DPY19L3: variants seen among roughly 807,000 people sequenced by gnomAD.
DPY19L3 encodes protein C-mannosyl-transferase DPY19L3.
Under a neutral mutation model 92.3 loss-of-function variants are expected in DPY19L3, and 51 were observed. That is an observed-to-expected ratio of 0.55 (90% CI 0.44 to 0.70). The LOEUF (loss-of-function observed/expected upper bound fraction) is 0.70. DPY19L3 is among the 30% of genes least tolerant of loss of function. The pLI, the probability that DPY19L3 is intolerant of heterozygous loss-of-function variation, is 0.00. For synonymous variants in DPY19L3, 309 were observed against 315.2 expected (o/e 0.98, Z 0.21); for missense variants, 706 against 855.9 (o/e 0.82, Z 2.18).
intron 3 of DPY19L3, among the ~76,000 whole-genome samples, chr19:32,423,634 GTAA>G (rs138334198): frequency 0.02 from 2,970 of 151,968 alleles, 106 homozygotes; most frequent in African/African-American, 0.068. Context: ...GCCAACATAA[GTAA>G]TAATGTTATA....
At chr19:32,411,217 A>G in intron 2 of DPY19L3, 22 bp from the exon 3 acceptor site, 2 of 1,598,552 alleles carry the variant, frequency 1.3e-6, no homozygotes, top group Non-Finnish European at 1.7e-6. Context: ...TTAGTTATTT[A>G]TCTGTTCCAT....
intron 3 of DPY19L3, among the ~76,000 whole-genome samples, chr19:32,427,487 T>C (rs1371106084): frequency 6.6e-6 from 1 of 152,218 alleles, no homozygotes; most frequent in Non-Finnish European, 1.5e-5. Context: ...CTTATTTACT[T>C]GATATTGCCG....
At chr19:32,431,598 T>G (rs1446195508) in intron 3 of DPY19L3, among the ~76,000 whole-genome samples, 3 of 152,212 alleles carry the variant, frequency 2.0e-5, no homozygotes, top group Non-Finnish European at 2.9e-5. Flanking sequence ...ATTATTTGCA[T>G]ATATATAATG....
chr19:32,447,949 A>C (rs1291982644), intron 8 of DPY19L3, among the ~76,000 whole-genome samples: 1 of 152,142 alleles, frequency 6.6e-6, no homozygotes, highest in Non-Finnish European at 1.5e-5. Context: ...ACAGACTTTG[A>C]AAGTTCTGAT....
At chr19:32,447,652 G>T (rs967230681) in intron 8 of DPY19L3, among the ~76,000 whole-genome samples, 8 of 152,044 alleles carry the variant, frequency 5.3e-5, no homozygotes, top group African/African-American at 1.7e-4. Flanking sequence ...GTAGGCGAAG[G>T]TTGCAGTGAG....
intron 16 of DPY19L3, among the ~76,000 whole-genome samples, chr19:32,474,215 G>C (rs568106882): frequency 3.3e-5 from 5 of 152,346 alleles, no homozygotes; most frequent in African/African-American, 7.2e-5. Flanking sequence ...GATGATTGTG[G>C]CACTAACACA....
At chr19:32,465,200 G>A (rs1468631099) in intron 15 of DPY19L3, among the ~76,000 whole-genome samples, 1 of 152,158 alleles carries the variant, frequency 6.6e-6, no homozygotes, top group Non-Finnish European at 1.5e-5. Context: ...CTTCATAAGA[G>A]AATTAGACAC....
At chr19:32,420,604 C>T (rs968000539) in intron 3 of DPY19L3, among the ~76,000 whole-genome samples, 26 of 152,126 alleles carry the variant, frequency 1.7e-4, no homozygotes, top group African/African-American at 6.3e-4. Context: ...TGCGCACCAC[C>T]GTGCCCAGCT....
At chr19:32,424,011 G>A (rs1968670436) in intron 3 of DPY19L3, among the ~76,000 whole-genome samples, 1 of 146,356 alleles carries the variant, frequency 6.8e-6, no homozygotes, top group Non-Finnish European at 1.5e-5. Context: ...AGACCATCTC[G>A]AAAAAAAAAA....
intron 8 of DPY19L3, among the ~76,000 whole-genome samples, chr19:32,444,054 A>G (rs1969409569): frequency 6.6e-6 from 1 of 151,862 alleles, no homozygotes; most frequent in Admixed American, 6.6e-5. Flanking sequence ...AAAAAGAAAA[A>G]AAAATTCTTA....
At chr19:32,475,917 C>T (rs1012280528) in intron 16 of DPY19L3, among the ~76,000 whole-genome samples, 1 of 152,190 alleles carries the variant, frequency 6.6e-6, no homozygotes, top group African/African-American at 2.4e-5. Flanking sequence ...TAGACTCTGG[C>T]ATGGGAGAGG....
intron 16 of DPY19L3, among the ~76,000 whole-genome samples, chr19:32,475,907 T>G (rs1469527967): frequency 2.0e-5 from 3 of 152,234 alleles, no homozygotes; most frequent in Non-Finnish European, 4.4e-5. Context: ...ATCTGCATTC[T>G]AGACTCTGGC....
At chr19:32,432,679 A>G (rs1969008258) in intron 3 of DPY19L3, 37 bp from the exon 4 acceptor site, 2 of 1,566,944 alleles carry the variant, frequency 1.3e-6, no homozygotes, top group South Asian at 1.1e-5. Context: ...AAACAAAACT[A>G]GGTCACATAA....
At chr19:32,410,436 T>C (rs958906883) in intron 2 of DPY19L3, among the ~76,000 whole-genome samples, 1 of 152,096 alleles carries the variant, frequency 6.6e-6, no homozygotes, top group East Asian at 1.9e-4. Context: ...ATTCTGTGGG[T>C]TTTTCCCCCC....
chr19:32,424,244 G>A (rs943117978), intron 3 of DPY19L3, among the ~76,000 whole-genome samples: 12 of 151,738 alleles, frequency 7.9e-5, no homozygotes, highest in Non-Finnish European at 1.6e-4. Context: ...CACCTGAGCT[G>A]GGGAGGTCAA....
In DPY19L3 at chr19:32,411,382, T is replaced by G. The variant is rs1277043580; in HGVS notation, c.237+10T>G. 6.2e-7 allele frequency: 1 copy of G among 1,613,988 alleles called. No individual in the cohort carries two copies. The highest frequency in any genetic ancestry group is 8.5e-7 in the Non-Finnish European group (1 of 1,179,972). ...GTTTTCTAATATTAAGGTATGGAGT[T>G]TCTTTGACCATTGTATCATTCACTC... On this transcript the variant is annotated intron_variant, in intron 3 of 18. Transcript: ENST00000392250.
intron 15 of DPY19L3, 182 bp from the exon 16 acceptor site, chr19:32,468,549 C>T: frequency 3.2e-6 from 4 of 1,244,202 alleles, no homozygotes; most frequent in Non-Finnish European, 4.0e-6. Context: ...AGAAACTTCC[C>T]AGGCGCTAGT....
At chr19:32,467,766 T>TC in intron 15 of DPY19L3, 13 of 983,184 alleles carry the variant, frequency 1.3e-5, no homozygotes, top group Non-Finnish European at 1.5e-5. Flanking sequence ...TGTATATAGA[T>TC]ATGATCAAGT....
At chr19:32,415,638 G>C (rs548229249) in intron 3 of DPY19L3, among the ~76,000 whole-genome samples, 2 of 152,326 alleles carry the variant, frequency 1.3e-5, no homozygotes, top group Admixed American at 1.3e-4. Context: ...GTGGAAAATG[G>C]ATTTGGGGAG....
Sources: allele counts gnomAD v4.1 joint callset (sites outside exome capture counted in the v4.1 genomes callset), GRCh38; gene constraint gnomAD v4.1.1; transcripts MANE v1.5; gene names NCBI Gene and HGNC (gene_info 2026-07-23, HGNC 2026-07-21).